The following LOC728743 variants were observed in gnomAD, a reference collection of about 807,000 sequenced individuals.
chr7:150,412,016 TC>T, the LOC728743 span: 33 of 152,292 alleles, frequency 2.2e-4, 1 homozygote, highest in African/African-American at 8.0e-4. Context: ...CTGCGTGCTG[TC>T]CCATGGACGC....
chr7:150,405,880 G>C, the LOC728743 span: 1 of 152,320 alleles, frequency 6.6e-6, no homozygotes, highest in Non-Finnish European at 1.5e-5. Context: ...GCCGGAGACC[G>C]GAGGAGCAGG....
chr7:150,409,388 G>T, the LOC728743 span, among the ~76,000 whole-genome samples: 2 of 152,178 alleles, frequency 1.3e-5, no homozygotes. Context: ...CCAGCTAAGA[G>T]GCCTGGCCAA....
the LOC728743 span, among the ~76,000 whole-genome samples, chr7:150,402,585 A>G: frequency 5.3e-5 from 8 of 152,228 alleles, no homozygotes. Flanking sequence ...TGCCCTTTGA[A>G]GTTCATAACC....
the LOC728743 span, chr7:150,410,508 G>C: frequency 3.3e-6 from 1 of 301,342 alleles, no homozygotes; most frequent in Non-Finnish European, 6.1e-6. Flanking sequence ...CTCCCGCCTG[G>C]TCCACCACTT....
the LOC728743 span, among the ~76,000 whole-genome samples, chr7:150,409,882 G>T: frequency 2.0e-5 from 3 of 152,162 alleles, no homozygotes; most frequent in Non-Finnish European, 2.9e-5. Context: ...CCACTCCCAG[G>T]TGCTGTAGAC....
chr7:150,406,653 GA>G, the LOC728743 span, among the ~76,000 whole-genome samples: 4 of 152,178 alleles, frequency 2.6e-5, no homozygotes, highest in Non-Finnish European at 5.9e-5. Flanking sequence ...GGGCTGTTGT[GA>G]GGACAATGGG....
chr7:150,410,318 A>G, the LOC728743 span: 1 of 397,038 alleles, frequency 2.5e-6, no homozygotes, highest in Non-Finnish European at 4.4e-6. Flanking sequence ...TGCGGTGACC[A>G]GTGGAGGTGA....
At chr7:150,405,407 C>A in the LOC728743 span, 2 of 152,128 alleles carry the variant, frequency 1.3e-5, no homozygotes, top group South Asian at 4.1e-4. Flanking sequence ...CGGGTCACTG[C>A]GGGCGTGCTA....
the LOC728743 span, chr7:150,408,185 CCCGAGGGCCAGGCGGCCCACTTAGGACG>C: frequency 2.5e-6 from 1 of 392,500 alleles, no homozygotes; most frequent in Non-Finnish European, 4.5e-6. Flanking sequence ...CGGCCACGGG[CCCGAGGGCCAGGCGGCCCACTTAGGACG>C]CGTGCTATGA....
At chr7:150,406,985 A>G in the LOC728743 span, among the ~76,000 whole-genome samples, 2 of 152,226 alleles carry the variant, frequency 1.3e-5, no homozygotes, top group Non-Finnish European at 2.9e-5. Flanking sequence ...TCACAAAAAT[A>G]TCTTTAAATC....
chr7:150,407,081 A>T, the LOC728743 span, among the ~76,000 whole-genome samples: 1 of 152,178 alleles, frequency 6.6e-6, no homozygotes, highest in Non-Finnish European at 1.5e-5. Flanking sequence ...GGGATAAGAC[A>T]TATCTAGACG....
the LOC728743 span, chr7:150,410,043 C>G: frequency 2.5e-6 from 1 of 398,044 alleles, no homozygotes; most frequent in African/African-American, 2.1e-5. Context: ...CATTCAAACC[C>G]TAGGACAGAT....
At chr7:150,406,884 C>T in the LOC728743 span, among the ~76,000 whole-genome samples, 26 of 152,202 alleles carry the variant, frequency 1.7e-4, no homozygotes, top group African/African-American at 6.3e-4. Flanking sequence ...ACACATGCCT[C>T]ATTTTGATAA....
At chr7:150,407,613 T>G in the LOC728743 span, 1 of 398,626 alleles carries the variant, frequency 2.5e-6, no homozygotes, top group African/African-American at 2.1e-5. Flanking sequence ...GAAGTGCCCA[T>G]GACCGAGCTG....
At chr7:150,401,568 C>G in the LOC728743 span, among the ~76,000 whole-genome samples, 4 of 152,234 alleles carry the variant, frequency 2.6e-5, no homozygotes, top group Non-Finnish European at 5.9e-5. Flanking sequence ...TATCACTGTT[C>G]TTCCTGCATT....
the LOC728743 span, among the ~76,000 whole-genome samples, chr7:150,403,591 G>A: frequency 3.3e-5 from 5 of 152,238 alleles, no homozygotes; most frequent in Admixed American, 2.0e-4. The surrounding 1 kb of genome is among the most constrained non-coding windows in gnomAD (Gnocchi z 5.1). Flanking sequence ...CCGAGTGGAG[G>A]CACGGGTGGG....
chr7:150,405,128 G>A, the LOC728743 span: 1 of 152,260 alleles, frequency 6.6e-6, no homozygotes, highest in Admixed American at 6.5e-5. Flanking sequence ...GGGACGTTCA[G>A]GCCCCGGAAC....
At chr7:150,407,156 G>C in the LOC728743 span, among the ~76,000 whole-genome samples, 11 of 152,184 alleles carry the variant, frequency 7.2e-5, no homozygotes, top group Non-Finnish European at 1.6e-4. Flanking sequence ...ATCACCATCT[G>C]TCTAGTGTCT....
chr7:150,406,312 G>C, the LOC728743 span, among the ~76,000 whole-genome samples: 1 of 152,194 alleles, frequency 6.6e-6, no homozygotes, highest in Non-Finnish European at 1.5e-5. Flanking sequence ...GATGAGGCAG[G>C]CCTTAGGGCC....
Sources: gnomAD v4.1 joint callset for allele counts (sites outside exome capture counted in the v4.1 genomes callset) on GRCh38, gnomAD v4.1.1 for gene constraint, Gnocchi (gnomAD v3.1) non-coding constraint, MANE v1.5 for transcripts.